The following LDB3 variants were observed in gnomAD, a reference collection of about 807,000 sequenced individuals.
The protein encoded by LDB3 is LIM domain-binding protein 3.
A neutral mutation model predicts 69.0 loss-of-function variants in LDB3; 49 were observed. The ratio of observed to expected loss-of-function variants is 0.71; its 90% CI spans 0.56 to 0.90. The LOEUF (loss-of-function observed/expected upper bound fraction) is 0.90. Among genes scored for constraint, LDB3 ranks in the 40% least tolerant of loss-of-function variants. The probability of loss-of-function intolerance (pLI) is 0.00; values close to 1 mark genes in which losing one functional copy is unlikely to be tolerated. For synonymous variants in LDB3, 387 were observed against 396.2 expected (o/e 0.98, Z 0.28); for missense variants, 928 against 974.1 (o/e 0.95, Z 0.63).
Position 86,733,057 on chromosome 10 carries a change from T to C in LDB3, c.*81T>C. ...AAAGGATTCGGGAGGCTGATGTTTC[T>C]TCTGAGGGGAATGGGGAGAGAGAGG... On this transcript the variant is annotated 3_prime_UTR_variant, in exon 14 of 14. Coordinates refer to ENST00000361373, the MANE Select transcript of LDB3 (RefSeq NM_007078.3). The C allele has an allele frequency of 1.0e-6, 1 of 972,834 alleles. No individual in the cohort carries two copies. Among genetic ancestry groups the C allele is most frequent in the Non-Finnish European group, 1.6e-6 (1 of 615,988 alleles). The allele number at this position is 972,834 out of a possible 1,614,324, so 60.3% of individuals were successfully genotyped here. A position where few individuals can be genotyped will look rare whatever the true frequency, so the allele number is the denominator to read the frequency against.
rs1846177865 is a variant in LDB3, at chr10:86,699,787, C to T, written c.897-6744C>T. On this transcript the variant is annotated intron_variant, in intron 7 of 13. Transcript: ENST00000361373. This position sits in a 1 kb window ranked among gnomAD's most constrained non-coding sequence, Gnocchi z 4.9. ...TCATCCCCTCCTAGAATGAGTCACC[C>T]GTAGATCAGGGTCTGGGGAAGAGGC... is the stretch of plus-strand genomic sequence containing the variant. 2.9e-5 allele frequency: 31 copies of T among 1,055,216 alleles called. No individual in the cohort carries two copies. The South Asian group carries it at 6.5e-4, about 22-fold the overall frequency. The allele number at this position is 1,055,216 out of a possible 1,614,324, so 65.4% of individuals were successfully genotyped here.
chr10:86,679,208 G>C (rs1844967044), intron 2 of LDB3, among the ~76,000 whole-genome samples, 159 bp from the exon 3 acceptor site: 1 of 152,240 alleles, frequency 6.6e-6, no homozygotes, highest in South Asian at 2.1e-4. Context: ...GTGCCGGAAA[G>C]AGGAACTAGG....
chr10:86,681,499 A>G lies in LDB3; in HGVS notation c.385A>G (p.Ser129Gly), dbSNP rs794729057. 2 of 1,610,656 alleles carry G rather than the reference A, an allele frequency of 1.2e-6. No individual in the cohort carries two copies. The highest frequency in any genetic ancestry group is 1.7e-6 in the Non-Finnish European group (2 of 1,179,772). ...APSPSPEARASPGTPGTPELR... is the reference protein window; with the variant it reads ...APSPSPEARAGPGTPGTPELR... ...CAGCCCCAGCCCTGAGGCGAGGGCC[A>G]GCCCAGGCACCCCAGGCACCCCGGA... Residue 129 changes from serine (S) to glycine (G), a missense_variant, in exon 5 of 14, where the codon AGC becomes GGC. Coordinates refer to ENST00000361373, the MANE Select transcript of LDB3 (RefSeq NM_007078.3).
intron 7 of LDB3, among the ~76,000 whole-genome samples, chr10:86,696,692 G>A (rs773010609): frequency 3.3e-5 from 5 of 152,132 alleles, no homozygotes; most frequent in Admixed American, 6.5e-5. Flanking sequence ...CTGTGTCCTC[G>A]GTAGTGTCTA....
intron 9 of LDB3, among the ~76,000 whole-genome samples, chr10:86,715,441 C>T (rs1846831815): frequency 6.6e-6 from 1 of 152,182 alleles, no homozygotes; most frequent in Non-Finnish European, 1.5e-5. Flanking sequence ...TGTGGGTAAG[C>T]AGTGGCAATG....
At position 86,709,956 on chromosome 10, in the gene LDB3, C is replaced by T. The variant is rs1200770701; in HGVS notation, c.1137C>T (p.Ala379=). 1 of 1,613,002 alleles carries T rather than the reference C, an allele frequency of 6.2e-7. No homozygotes were observed. The highest frequency in any genetic ancestry group is 8.5e-7 in the Non-Finnish European group (1 of 1,179,988). ...SPAVAASSAP[A]THTSYSEGPA... Reference sequence around the variant, plus strand: ...CAGTGGCCGCCTCTTCAGCACCTGCCACCCACACCAGCTACAGTGAGGGCC... The same window carrying T: ...CAGTGGCCGCCTCTTCAGCACCTGCTACCCACACCAGCTACAGTGAGGGCC... The change falls in exon 9 of 14, where the codon GCC becomes GCT. Residue 379 remains alanine (A), a synonymous_variant. Coordinates refer to ENST00000361373, the MANE Select transcript of LDB3 (RefSeq NM_007078.3).
At chr10:86,706,492 C>T in intron 7 of LDB3, 39 bp from the exon 8 acceptor site, 1 of 1,606,622 alleles carries the variant, frequency 6.2e-7, no homozygotes, top group Non-Finnish European at 8.5e-7. Context: ...GGTCTCTAGG[C>T]TCCCTTGACC....
intron 13 of LDB3, among the ~76,000 whole-genome samples, chr10:86,727,841 TTTA>T (rs201310813): frequency 0.2 from 28,722 of 145,124 alleles, 3,599 homozygotes; most frequent in East Asian, 0.55. Context: ...CCTTTTTTTT[TTTA>T]TTTTTTTTTT....
chr10:86,679,099 C>T (rs578040929), intron 2 of LDB3, among the ~76,000 whole-genome samples: 125 of 152,264 alleles, frequency 8.2e-4, no homozygotes, highest in African/African-American at 2.8e-3. Flanking sequence ...TAGAGGCAGA[C>T]CTGGAAGGAG....
chr10:86,696,549 A>G (rs911612823), intron 7 of LDB3, among the ~76,000 whole-genome samples: 2 of 152,102 alleles, frequency 1.3e-5, no homozygotes, highest in Admixed American at 1.3e-4. Flanking sequence ...GAGCATGCTC[A>G]CTAGATTGGA....
intron 7 of LDB3, 37 bp downstream of exon 7, chr10:86,692,608 C>G: frequency 6.3e-7 from 1 of 1,599,398 alleles, no homozygotes; most frequent in Non-Finnish European, 8.6e-7. Flanking sequence ...GCCTTGCCCT[C>G]TAGCCCCGTC....
intron 13 of LDB3, among the ~76,000 whole-genome samples, chr10:86,730,854 T>C (rs1018460361): frequency 6.6e-6 from 1 of 152,188 alleles, no homozygotes; most frequent in African/African-American, 2.4e-5. Context: ...CATGGGGATA[T>C]AGAATTTCAT....
intron 7 of LDB3, among the ~76,000 whole-genome samples, chr10:86,697,801 C>A (rs1253434958): frequency 2.0e-5 from 3 of 152,118 alleles, no homozygotes; most frequent in Non-Finnish European, 2.9e-5. Flanking sequence ...ATCTGCCCAC[C>A]TCAGCCTCCC....
chr10:86,679,151 C>T (rs1212760198), intron 2 of LDB3, among the ~76,000 whole-genome samples: 2 of 152,154 alleles, frequency 1.3e-5, no homozygotes, highest in Non-Finnish European at 2.9e-5. Flanking sequence ...CAGAGCTAGT[C>T]CCAAGGCTGC....
At chr10:86,670,603 G>C (rs1484463739) in intron 2 of LDB3, among the ~76,000 whole-genome samples, 1 of 152,200 alleles carries the variant, frequency 6.6e-6, no homozygotes, top group Non-Finnish European at 1.5e-5. Flanking sequence ...CCAGCCAGGG[G>C]CTTAAATGGC....
At position 86,706,540 on chromosome 10, in the gene LDB3, T is replaced by C. The variant is rs753049524; in HGVS notation, c.906T>C (p.Ile302=). The change falls in exon 8 of 14, where the codon ATT becomes ATC. Residue 302 remains isoleucine (I), a synonymous_variant. Coordinates refer to ENST00000361373, the MANE Select transcript of LDB3 (RefSeq NM_007078.3). ...GGTCCCGCCTCATCAGCACCCCTATTGAGCATGCGCCGGTGTGCACCAGCC... is the reference window on the plus strand; with the variant it reads ...GGTCCCGCCTCATCAGCACCCCTATCGAGCATGCGCCGGTGTGCACCAGCC... ...EEALRRSSTP[I]EHAPVCTSQA... is the part of the protein sequence containing the mutation. 6.2e-7 allele frequency: 1 copy of C among 1,612,620 alleles called. No homozygotes were observed. Among genetic ancestry groups the C allele is most frequent in the Admixed American group, 1.7e-5 (1 of 60,020 alleles).
chr10:86,695,759 C>G (rs954987636), intron 7 of LDB3, among the ~76,000 whole-genome samples: 10 of 152,192 alleles, frequency 6.6e-5, no homozygotes, highest in Non-Finnish European at 1.3e-4. Flanking sequence ...GCCCTGATCA[C>G]TCAAAAGGTC....
Position 86,680,086 on chromosome 10 carries a change from A to T in LDB3, c.250A>T (p.Lys84Ter), listed in dbSNP as rs1279004199. 1 of 1,614,102 alleles carries T rather than the reference A, an allele frequency of 6.2e-7. No individual in the cohort carries two copies. The highest frequency in any genetic ancestry group is 8.5e-7 in the Non-Finnish European group (1 of 1,179,958). Reference protein sequence around the residue: ...YNLSLTLQKSKRPIPISTTAP... With the variant: ...YNLSLTLQKS Reference sequence around the variant, plus strand: ...TCTCATTTCTGGTTTCTACAGATCAAAGCGTCCCATTCCCATCTCCACGAC... The same window carrying T: ...TCTCATTTCTGGTTTCTACAGATCATAGCGTCCCATTCCCATCTCCACGAC... Residue 84 changes from lysine to a stop codon, truncating the protein, a stop_gained, in exon 4 of 14, where the codon AAG becomes TAG. Coordinates refer to ENST00000361373, the MANE Select transcript of LDB3 (RefSeq NM_007078.3). LOFTEE classifies it high-confidence loss of function.
intron 2 of LDB3, among the ~76,000 whole-genome samples, chr10:86,677,604 G>C (rs774598576): frequency 6.6e-6 from 1 of 152,196 alleles, no homozygotes; most frequent in Non-Finnish European, 1.5e-5. Flanking sequence ...GGAATTCCCG[G>C]GATGGAGTTG....
Sources: gnomAD v4.1 joint callset for allele counts (sites outside exome capture counted in the v4.1 genomes callset) on GRCh38, gnomAD v4.1.1 for gene constraint, Gnocchi (gnomAD v3.1) non-coding constraint, MANE v1.5 for transcripts, NCBI Gene and HGNC (gene_info 2026-07-23, HGNC 2026-07-21) for gene names.